Variants in TLN2 observed in about 807,000 individuals in gnomAD.
TLN2 encodes the protein talin 2, also known as talin-2.
Under a neutral mutation model 294.7 loss-of-function variants are expected in TLN2, and 118 were observed. The observed-to-expected ratio is 0.40, with a 90% CI of 0.34 to 0.47. TLN2 has a LOEUF of 0.47. Among genes scored for constraint, TLN2 ranks in the 20% least tolerant of loss-of-function variants. TLN2 has a pLI of 0.84. For synonymous variants in TLN2, 1,431 were observed against 1,304.5 expected (o/e 1.10, Z -2.09); for missense variants, 3,083 against 3,282.2 (o/e 0.94, Z 1.48).
At chr15:62,814,667 A>ACAAGCC (rs2066953848) in intron 52 of TLN2, among the ~76,000 whole-genome samples, 1 of 152,248 alleles carries the variant, frequency 6.6e-6, no homozygotes, top group Admixed American at 6.5e-5. Context: ...TAGGCCGAAA[A>ACAAGCC]CAAGCCTCTT....
At chr15:62,577,525 A>G (rs900454021) in intron 1 of TLN2, among the ~76,000 whole-genome samples, 5 of 152,208 alleles carry the variant, frequency 3.3e-5, no homozygotes, top group Non-Finnish European at 1.5e-5. Context: ...TTTGAATCTG[A>G]TATATGATAC....
At chr15:62,392,412 G>A (rs971187636) in intron 1 of TLN2, among the ~76,000 whole-genome samples, 1 of 152,230 alleles carries the variant, frequency 6.6e-6, no homozygotes, top group South Asian at 2.1e-4. Flanking sequence ...CCCTGGTGCT[G>A]TAAGTACCAC....
In TLN2 at chr15:62,810,007, T is replaced by G; in HGVS notation, c.6746T>G (p.Leu2249Trp). ...RFGTECTLGY[L>W]DLLEHVLVIL... ...GGGACGGAGTGCACCCTTGGCTACT[T>G]GGACCTCCTGGAGCACGTCTTGGTG... Residue 2249 changes from leucine to tryptophan, a missense_variant, in exon 52 of 59, where the codon TTG becomes TGG. Coordinates refer to ENST00000636159, the MANE Select transcript of TLN2 (RefSeq NM_015059.3). 6.2e-7 allele frequency: 1 copy of G among 1,613,832 alleles called. No homozygotes were observed.
chr15:62,789,490 G>A lies in TLN2; in HGVS notation c.5737-3151G>A, dbSNP rs111630301. On this transcript the variant is annotated intron_variant, in intron 45 of 58. Coordinates refer to ENST00000636159, the MANE Select transcript of TLN2 (RefSeq NM_015059.3). ...TCCAAGAAAGGGGCCGGGCAGCAGG[G>A]CACTGGGGTATGTTTTTAGAGCGTA... Among the ~76,000 whole-genome samples, 238 of 152,274 alleles carry A rather than the reference G, an allele frequency of 1.6e-3. 1 individual carries two copies. Among genetic ancestry groups the A allele is most frequent in the African/African-American group, 5.3e-3 (220 of 41,560 alleles).
Position 62,842,692 on chromosome 15 carries a change from A to G in TLN2, c.*2082A>G, listed in dbSNP as rs894926712. ...TCATTTAAAACCTTTACTGCATTTG[A>G]TACCAGAAAAGCCTCCAGAGACAAA... On this transcript the variant is annotated 3_prime_UTR_variant, in exon 59 of 59. Transcript: ENST00000636159. The G allele has an allele frequency of 6.6e-6, 1 of 152,196 alleles. No homozygotes were observed. Among genetic ancestry groups the G allele is most frequent in the Admixed American group, 6.5e-5 (1 of 15,282 alleles). The allele number at this position is 152,196 out of a possible 1,614,324, so 9.4% of individuals were successfully genotyped here. A position where few individuals can be genotyped will look rare whatever the true frequency, so the allele number is the denominator to read the frequency against.
intron 1 of TLN2, among the ~76,000 whole-genome samples, chr15:62,575,887 T>C (rs2044349878): frequency 2.0e-5 from 3 of 152,252 alleles, no homozygotes; most frequent in African/African-American, 7.2e-5. Flanking sequence ...AATCATGGAT[T>C]TGAATATTTT....
rs1328224275 is a variant in TLN2 at position 62,698,780 on chromosome 15, G to C, written c.1500G>C (p.Gly500=). The change falls in exon 16 of 59, where the codon GGG becomes GGC. Residue 500 remains glycine (G), a synonymous_variant. Coordinates refer to ENST00000636159, the MANE Select transcript of TLN2 (RefSeq NM_015059.3). ...PLTSAQQALM[G]TINTSMHAVQ... ...CCTCAGCCCAGCAGGCCCTGATGGG[G>C]ACCATCAACACAAGCATGCACGCCG... 2 of 1,611,538 alleles carry C rather than the reference G, an allele frequency of 1.2e-6. No individual in the cohort carries two copies. Among genetic ancestry groups the C allele is most frequent in the Non-Finnish European group, 1.7e-6 (2 of 1,179,942 alleles).
chr15:62,584,588 C>T (rs1235442232), intron 1 of TLN2, among the ~76,000 whole-genome samples: 1 of 152,202 alleles, frequency 6.6e-6, no homozygotes, highest in Admixed American at 6.5e-5. Flanking sequence ...CTGGGCATCT[C>T]CCCTTGGAGT....
At chr15:62,473,306 G>A (rs1008779788) in intron 1 of TLN2, among the ~76,000 whole-genome samples, 1 of 151,684 alleles carries the variant, frequency 6.6e-6, no homozygotes, top group Non-Finnish European at 1.5e-5. Context: ...ATAACACTGA[G>A]AATAATGCTT....
rs199628532 is a variant in TLN2 at position 62,796,248 on chromosome 15, C to T, written c.6005C>T (p.Ala2002Val). ...DLDTTIMFAT[A>V]GTLNAENSET... is the part of the protein sequence containing the mutation. Reference sequence around the variant, plus strand: ...GACACCACCATTATGTTTGCAACAGCGGGGACGCTGAATGCAGAGAACAGT... The same window carrying T: ...GACACCACCATTATGTTTGCAACAGTGGGGACGCTGAATGCAGAGAACAGT... Residue 2002 changes from alanine (A) to valine (V), a missense_variant, in exon 47 of 59, where the codon GCG becomes GTG. Coordinates refer to ENST00000636159, the MANE Select transcript of TLN2 (RefSeq NM_015059.3). 2.4e-4 allele frequency: 387 copies of T among 1,614,066 alleles called. 2 individuals carry two copies. The highest frequency in any genetic ancestry group is 8.9e-5 in the East Asian group (4 of 44,894).
At chr15:62,690,590 T>G (rs2057779514) in intron 12 of TLN2, 1 of 165,442 alleles carries the variant, frequency 6.0e-6, no homozygotes, top group African/African-American at 2.6e-5. Flanking sequence ...GCAGAGACGC[T>G]CCTTACTTCC....
intron 1 of TLN2, among the ~76,000 whole-genome samples, chr15:62,528,125 A>T (rs8029492): frequency 6.6e-6 from 1 of 152,000 alleles, no homozygotes; most frequent in African/African-American, 2.4e-5. Flanking sequence ...TTTACATTCC[A>T]TTAAATTTTA....
chr15:62,400,991 T>C (rs1330796946), intron 1 of TLN2, among the ~76,000 whole-genome samples: 2 of 152,064 alleles, frequency 1.3e-5, no homozygotes, highest in African/African-American at 4.8e-5. Context: ...AATTTTTCTA[T>C]TTTTAGCAGA....
intron 1 of TLN2, among the ~76,000 whole-genome samples, chr15:62,460,260 GTTTTT>G (rs570067801): frequency 7.2e-6 from 1 of 139,256 alleles, no homozygotes; most frequent in Non-Finnish European, 1.6e-5. Flanking sequence ...TAGCCACATG[GTTTTT>G]TTTTTTTTTT....
Position 62,529,097 on chromosome 15 carries a change from T to C in TLN2, c.-237-60590T>C, listed in dbSNP as rs1596024617. Among the ~76,000 whole-genome samples the C allele has an allele frequency of 6.7e-5, 10 of 149,482 alleles. 1 individual carries two copies. Among genetic ancestry groups the C allele is most frequent in the African/African-American group, 2.6e-4 (10 of 39,134 alleles). ...GGCTAAAGTAACATTTACAGGGCTT[T>C]TTTTTTTTGTGTGTGTGTGACAGCT... On this transcript the variant is annotated intron_variant, in intron 1 of 58. Transcript: ENST00000636159.
chr15:62,747,747 A>G (rs1436248376), intron 32 of TLN2, among the ~76,000 whole-genome samples: 3 of 152,228 alleles, frequency 2.0e-5, no homozygotes, highest in Non-Finnish European at 4.4e-5. Flanking sequence ...CTTTACCAAC[A>G]GCCTACTGCT....
intron 40 of TLN2, among the ~76,000 whole-genome samples, chr15:62,765,801 A>G (rs894186917): frequency 1.3e-5 from 2 of 152,344 alleles, no homozygotes; most frequent in Non-Finnish European, 2.9e-5. Flanking sequence ...ACTACCAAAC[A>G]CAGTGGACTG....
At chr15:62,633,996 CCTT>C (rs1203742771) in intron 3 of TLN2, among the ~76,000 whole-genome samples, 6 of 152,154 alleles carry the variant, frequency 3.9e-5, no homozygotes, top group Non-Finnish European at 5.9e-5. Flanking sequence ...CCAAATTTCT[CCTT>C]CTTATAAGGA....
chr15:62,615,182 C>T (rs2048215839), intron 2 of TLN2, among the ~76,000 whole-genome samples: 1 of 152,200 alleles, frequency 6.6e-6, no homozygotes, highest in African/African-American at 2.4e-5. Flanking sequence ...CTTCTTTATA[C>T]TTAAAAAAAT....
Sources: allele counts gnomAD v4.1 joint callset (sites outside exome capture counted in the v4.1 genomes callset), GRCh38; gene constraint gnomAD v4.1.1; transcripts MANE v1.5; gene names NCBI Gene and HGNC (gene_info 2026-07-23, HGNC 2026-07-21).